ZC3H12B: variants seen among roughly 807,000 people sequenced by gnomAD.
ZC3H12B encodes the protein zinc finger CCCH-type containing 12B.
Under a neutral mutation model 43.9 loss-of-function variants are expected in ZC3H12B, and 7 were observed. The ratio of observed to expected loss-of-function variants is 0.16; its 90% CI spans 0.09 to 0.30. The LOEUF is 0.30. Among genes scored for constraint, ZC3H12B ranks in the 10% least tolerant of loss-of-function variants. The pLI is 1.00. For missense variants in ZC3H12B, 475 were observed against 670.2 expected, an observed-to-expected ratio of 0.71 and a Z score of 3.22; for synonymous variants, 222 against 241.7, an observed-to-expected ratio of 0.92 and a Z score of 0.76.
chrX:65,057,881 C>T, the ZC3H12B span, among the ~76,000 whole-genome samples: 3 of 112,143 alleles, frequency 2.7e-5, no homozygotes, highest in East Asian at 5.6e-4. Flanking sequence ...GAATTGGCTA[C>T]TGAAGCTTGT....
At chrX:65,180,566 T>A in the ZC3H12B span, among the ~76,000 whole-genome samples, 2 of 111,425 alleles carry the variant, frequency 1.8e-5, no homozygotes, top group Non-Finnish European at 3.8e-5. Flanking sequence ...TTCAGCAAAG[T>A]CTCAGGATAC....
the ZC3H12B span, among the ~76,000 whole-genome samples, chrX:65,236,555 G>A: frequency 9.0e-6 from 1 of 111,503 alleles, no homozygotes; most frequent in African/African-American, 3.3e-5. Context: ...CACTTAACTA[G>A]GTCCCATTTG....
intron 3 of ZC3H12B, among the ~76,000 whole-genome samples, chrX:65,473,000 A>ATATG (rs771741901): frequency 0.063 from 4,967 of 78,402 alleles, 561 homozygotes; most frequent in African/African-American, 0.35. Flanking sequence ...ATATATATGT[A>ATATG]TATATATATA....
At chrX:65,331,556 A>G in the ZC3H12B span, among the ~76,000 whole-genome samples, 4 of 101,135 alleles carry the variant, frequency 4.0e-5, no homozygotes, top group East Asian at 8.9e-4. Flanking sequence ...TTTAATGTTT[A>G]TTTATTTATT....
At chrX:65,241,054 G>A in the ZC3H12B span, among the ~76,000 whole-genome samples, 68 of 112,053 alleles carry the variant, frequency 6.1e-4, no homozygotes, top group Non-Finnish European at 1.1e-3. Context: ...ACTTAAGGAA[G>A]CAGACTGGCT....
chrX:65,325,592 A>G, the ZC3H12B span, among the ~76,000 whole-genome samples: 8 of 111,751 alleles, frequency 7.2e-5, no homozygotes, highest in African/African-American at 2.6e-4. Flanking sequence ...CATTTATGAA[A>G]GAAATTGAAA....
chrX:65,284,703 G>A, the ZC3H12B span, among the ~76,000 whole-genome samples: 1 of 110,906 alleles, frequency 9.0e-6, no homozygotes, highest in Non-Finnish European at 1.9e-5. Context: ...AGAGGTTGCA[G>A]TGAGCTGAGA....
intron 3 of ZC3H12B, among the ~76,000 whole-genome samples, chrX:65,399,965 G>A (rs2066744488): frequency 9.0e-6 from 1 of 110,861 alleles, no homozygotes; most frequent in Non-Finnish European, 1.9e-5. Context: ...TTATTTGTGG[G>A]ATCTAAAAAT....
At chrX:65,212,330 TATA>T in the ZC3H12B span, among the ~76,000 whole-genome samples, 31 of 45,085 alleles carry the variant, frequency 6.9e-4, no homozygotes, top group African/African-American at 2.8e-3. Flanking sequence ...ATTTATATTA[TATA>T]ATATATAATA....
the ZC3H12B span, among the ~76,000 whole-genome samples, chrX:65,304,841 C>G: frequency 9.0e-6 from 1 of 110,956 alleles, no homozygotes; most frequent in Non-Finnish European, 1.9e-5. Flanking sequence ...TGGACTTCAT[C>G]AAAATTAATT....
At chrX:65,068,264 A>G in the ZC3H12B span, among the ~76,000 whole-genome samples, 2 of 109,334 alleles carry the variant, frequency 1.8e-5, no homozygotes, top group East Asian at 2.9e-4. Flanking sequence ...AACTCCTGCC[A>G]TTTTGTTGTT....
chrX:65,215,984 A>T, the ZC3H12B span, among the ~76,000 whole-genome samples: 2 of 111,686 alleles, frequency 1.8e-5, no homozygotes, highest in Non-Finnish European at 3.8e-5. Context: ...TTAATGATTA[A>T]GTTTGCCACA....
the ZC3H12B span, among the ~76,000 whole-genome samples, chrX:65,068,774 A>AGT: frequency 9.0e-6 from 1 of 111,600 alleles, no homozygotes; most frequent in Non-Finnish European, 1.9e-5. Flanking sequence ...TTCTGGTTGA[A>AGT]GTGTGCCGTT....
chrX:65,105,622 C>T, the ZC3H12B span, among the ~76,000 whole-genome samples: 2 of 111,028 alleles, frequency 1.8e-5, no homozygotes, highest in Non-Finnish European at 3.8e-5. Context: ...TGAAATGACT[C>T]ACAGAGAATC....
the ZC3H12B span, among the ~76,000 whole-genome samples, chrX:65,120,655 G>C: frequency 9.0e-6 from 1 of 111,064 alleles, no homozygotes; most frequent in African/African-American, 3.3e-5. Flanking sequence ...TCCCCTGCCT[G>C]ATTGTCCTGG....
chrX:65,268,921 G>A, the ZC3H12B span, among the ~76,000 whole-genome samples: 10 of 112,017 alleles, frequency 8.9e-5, no homozygotes, highest in African/African-American at 3.2e-4. Flanking sequence ...ATTCAAATTA[G>A]AAAGAAATGA....
the ZC3H12B span, among the ~76,000 whole-genome samples, chrX:65,231,614 G>C: frequency 2.7e-5 from 3 of 111,013 alleles, no homozygotes; most frequent in Non-Finnish European, 5.7e-5. Context: ...ATTCCTTGCT[G>C]GGAAAAGAAT....
the ZC3H12B span, among the ~76,000 whole-genome samples, chrX:65,331,644 G>A: frequency 9.1e-6 from 1 of 109,996 alleles, no homozygotes; most frequent in Non-Finnish European, 1.9e-5. Context: ...TAAAAGAATG[G>A]CTACTCTATA....
chrX:65,330,075 A>G, the ZC3H12B span, among the ~76,000 whole-genome samples: 4 of 111,392 alleles, frequency 3.6e-5, no homozygotes, highest in African/African-American at 9.8e-5. Flanking sequence ...GTTTTTTCCA[A>G]TTCTGTGAAG....
Sources: gnomAD v4.1 joint callset for allele counts (sites outside exome capture counted in the v4.1 genomes callset) on GRCh38, gnomAD v4.1.1 for gene constraint, MANE v1.5 for transcripts, NCBI Gene and HGNC (gene_info 2026-07-23, HGNC 2026-07-21) for gene names.